Variants in PCSK5 observed in about 807,000 individuals in gnomAD.
PCSK5 encodes prohormone convertase 5.
Under a neutral mutation model 233.2 loss-of-function variants are expected in PCSK5, and 129 were observed. That is an observed-to-expected ratio of 0.55 (90% confidence interval 0.48 to 0.64). PCSK5 has a LOEUF of 0.64. PCSK5 is among the 30% of genes least tolerant of loss of function. PCSK5 has a pLI of 0.00. For missense variants in PCSK5, 2,076 were observed against 2,430.1 expected (o/e 0.85, Z 3.06); for synonymous variants, 825 against 879.2 (o/e 0.94, Z 1.09).
intron 24 of PCSK5, among the ~76,000 whole-genome samples, chr9:76,289,061 G>C (rs1464603726): frequency 6.6e-6 from 1 of 152,176 alleles, no homozygotes; most frequent in African/African-American, 2.4e-5. Flanking sequence ...GATCCCCAAA[G>C]ACACAGTGGG....
chr9:76,319,611 C>T (rs1268667821), intron 30 of PCSK5, among the ~76,000 whole-genome samples: 8 of 152,122 alleles, frequency 5.3e-5, no homozygotes, highest in Non-Finnish European at 8.8e-5. Context: ...GGAAGGCACC[C>T]GTTACTTAGC....
At chr9:76,347,477 T>C (rs1219773284) in intron 35 of PCSK5, among the ~76,000 whole-genome samples, 1 of 152,200 alleles carries the variant, frequency 6.6e-6, no homozygotes, top group Non-Finnish European at 1.5e-5. Context: ...AGTTTTGCAA[T>C]TAATTGGTGT....
intron 3 of PCSK5, among the ~76,000 whole-genome samples, chr9:76,022,484 C>G (rs1402286115): frequency 6.6e-6 from 1 of 151,872 alleles, no homozygotes; most frequent in Non-Finnish European, 1.5e-5. Flanking sequence ...TAGGGAAAGA[C>G]CTGGGGTGGC....
intron 33 of PCSK5, among the ~76,000 whole-genome samples, chr9:76,330,795 A>G (rs538186126): frequency 5.9e-5 from 9 of 151,960 alleles, no homozygotes; most frequent in African/African-American, 2.2e-4. Flanking sequence ...CTATCCATCT[A>G]CCTTAGCTCC....
intron 5 of PCSK5, among the ~76,000 whole-genome samples, chr9:76,056,773 A>C (rs1010797104): frequency 6.6e-6 from 1 of 152,320 alleles, no homozygotes; most frequent in Middle Eastern, 3.4e-3. Context: ...TATCCTTAAG[A>C]GAATCAGAAG....
intron 12 of PCSK5, among the ~76,000 whole-genome samples, chr9:76,163,346 A>G (rs774912598): frequency 3.9e-5 from 6 of 152,188 alleles, no homozygotes; most frequent in Non-Finnish European, 7.3e-5. Context: ...AACTCCTGTG[A>G]AGAACAGCTG....
intron 5 of PCSK5, among the ~76,000 whole-genome samples, chr9:76,041,596 C>T (rs1829119059): frequency 6.6e-6 from 1 of 152,038 alleles, no homozygotes; most frequent in Non-Finnish European, 1.5e-5. Flanking sequence ...AATTCCAGCA[C>T]TTTGGGAGGC....
chr9:76,113,345 C>T (rs1484439811), intron 9 of PCSK5, among the ~76,000 whole-genome samples: 2 of 152,170 alleles, frequency 1.3e-5, no homozygotes, highest in Non-Finnish European at 2.9e-5. Flanking sequence ...TTTCACAAAT[C>T]ACATCTTGAA....
intron 1 of PCSK5, among the ~76,000 whole-genome samples, chr9:75,931,628 T>A (rs564181736): frequency 6.6e-6 from 1 of 152,244 alleles, no homozygotes; most frequent in East Asian, 1.9e-4. Context: ...TTTGCTAGTT[T>A]GCTTTCCCAA....
At chr9:76,136,188 C>T (rs943439381) in intron 10 of PCSK5, among the ~76,000 whole-genome samples, 1 of 151,562 alleles carries the variant, frequency 6.6e-6, no homozygotes, top group East Asian at 1.9e-4. Flanking sequence ...TGGCGAGTCC[C>T]GTATTTCATC....
intron 12 of PCSK5, among the ~76,000 whole-genome samples, chr9:76,163,990 T>C (rs1358073256): frequency 6.6e-6 from 1 of 151,830 alleles, no homozygotes; most frequent in East Asian, 2.0e-4. Flanking sequence ...TAAATTTAAT[T>C]ACAGATGAAT....
intron 20 of PCSK5, among the ~76,000 whole-genome samples, chr9:76,191,743 G>GCT (rs1352011061): frequency 2.6e-5 from 4 of 152,042 alleles, no homozygotes; most frequent in African/African-American, 9.7e-5. Context: ...GGCACCCCAG[G>GCT]GGCCACGTAA....
At chr9:76,048,050 T>G (rs1829485828) in intron 5 of PCSK5, among the ~76,000 whole-genome samples, 1 of 152,214 alleles carries the variant, frequency 6.6e-6, no homozygotes, top group Non-Finnish European at 1.5e-5. Flanking sequence ...GTTGCCGTCC[T>G]TGTTGATTTT....
intron 2 of PCSK5, among the ~76,000 whole-genome samples, chr9:75,935,517 A>G (rs1167631991): frequency 6.6e-6 from 1 of 152,202 alleles, no homozygotes; most frequent in Non-Finnish European, 1.5e-5. Flanking sequence ...AACCGTAAGT[A>G]TAACAATAAA....
intron 2 of PCSK5, among the ~76,000 whole-genome samples, chr9:75,934,748 A>G (rs946582635): frequency 1.3e-5 from 2 of 151,610 alleles, no homozygotes; most frequent in Non-Finnish European, 2.9e-5. Context: ...CCCCTGGCTA[A>G]TTTTTGTATT....
chr9:75,995,938 G>T (rs770371678), intron 3 of PCSK5, among the ~76,000 whole-genome samples: 1 of 151,998 alleles, frequency 6.6e-6, no homozygotes, highest in Non-Finnish European at 1.5e-5. Context: ...AGTTTGTGAA[G>T]ATCTATTTCT....
intron 37 of PCSK5, among the ~76,000 whole-genome samples, chr9:76,356,080 C>A (rs1012038155): frequency 1.3e-5 from 2 of 152,192 alleles, no homozygotes; most frequent in Admixed American, 6.5e-5. Context: ...CCCACCCCCA[C>A]GAGCAGCTGG....
intron 24 of PCSK5, among the ~76,000 whole-genome samples, chr9:76,259,181 C>T (rs1280217295): frequency 2.0e-5 from 3 of 152,104 alleles, no homozygotes. Context: ...TCAAAAGAGC[C>T]TTATTAACTT....
At chr9:76,194,662 G>T in intron 20 of PCSK5, 2 of 402,914 alleles carry the variant, frequency 5.0e-6, no homozygotes, top group South Asian at 1.9e-5. Context: ...ACACTTCATC[G>T]AAACTAGAAG....
Sources: allele counts gnomAD v4.1 joint callset (sites outside exome capture counted in the v4.1 genomes callset), GRCh38; gene constraint gnomAD v4.1.1; transcripts MANE v1.5; gene names NCBI Gene and HGNC (gene_info 2026-07-23, HGNC 2026-07-21).